CDYL2: variants seen among roughly 807,000 people sequenced by gnomAD.
The protein encoded by CDYL2 is chromodomain Y like 2, also known as chromodomain Y-like protein 2.
Under a neutral mutation model 49.4 loss-of-function variants are expected in CDYL2, and 23 were observed. The observed-to-expected ratio is 0.47, with a 90% confidence interval of 0.34 to 0.66. The LOEUF (loss-of-function observed/expected upper bound fraction) is 0.66, where lower values mean the gene tolerates loss of function less well. CDYL2 is among the 30% of genes least tolerant of loss of function. The pLI, the probability that CDYL2 is intolerant of heterozygous loss-of-function variation, is 0.01. For synonymous variants in CDYL2, 360 were observed against 268.8 expected (o/e 1.34, Z -3.32); for missense variants, 678 against 656.4 (o/e 1.03, Z -0.36).
chr16:80,632,375 G>A (rs1907603011), intron 3 of CDYL2, among the ~76,000 whole-genome samples: 3 of 152,168 alleles, frequency 2.0e-5, no homozygotes, highest in Admixed American at 2.0e-4. Context: ...AATCTACAGA[G>A]ACAGAAAGTA....
intron 1 of CDYL2, 61 bp downstream of exon 1, chr16:80,804,079 CCCGCCGCCCG>C (rs1348703525): frequency 1.0e-5 from 10 of 958,150 alleles, no homozygotes; most frequent in Non-Finnish European, 1.1e-5. Context: ...CGGCCCGGTC[CCCGCCGCCCG>C]CCGCCGCCGC....
At chr16:80,718,610 T>C (rs1263824625) in intron 1 of CDYL2, among the ~76,000 whole-genome samples, 1 of 152,162 alleles carries the variant, frequency 6.6e-6, no homozygotes, top group East Asian at 1.9e-4. Context: ...GGAGCTAGAA[T>C]TGGCCACTAT....
At chr16:80,649,199 T>C (rs1489683118) in intron 2 of CDYL2, among the ~76,000 whole-genome samples, 1 of 152,110 alleles carries the variant, frequency 6.6e-6, no homozygotes, top group Non-Finnish European at 1.5e-5. Context: ...GAAAGCAAAT[T>C]ATTCTTGTTT....
intron 1 of CDYL2, among the ~76,000 whole-genome samples, chr16:80,764,880 G>A (rs771274237): frequency 1.5e-4 from 23 of 151,490 alleles, no homozygotes; most frequent in Non-Finnish European, 2.4e-4. Context: ...CTAACAGGGC[G>A]AAACCCCGTC....
intron 1 of CDYL2, among the ~76,000 whole-genome samples, chr16:80,719,732 A>T (rs1483790363): frequency 6.6e-6 from 1 of 152,200 alleles, no homozygotes; most frequent in Non-Finnish European, 1.5e-5. Flanking sequence ...GGCAGGAAAC[A>T]AGGAGGCTGT....
chr16:80,694,176 C>T (rs1430989878), intron 1 of CDYL2, among the ~76,000 whole-genome samples: 1 of 152,170 alleles, frequency 6.6e-6, no homozygotes, highest in Non-Finnish European at 1.5e-5. Flanking sequence ...CAACCCAAAT[C>T]CCTTGCATGC....
intron 1 of CDYL2, among the ~76,000 whole-genome samples, chr16:80,758,120 G>T (rs1425784606): frequency 1.3e-5 from 2 of 152,100 alleles, no homozygotes; most frequent in South Asian, 2.1e-4. Context: ...ATAGATCAAT[G>T]ATCTTAATTG....
intron 2 of CDYL2, among the ~76,000 whole-genome samples, chr16:80,669,621 G>A (rs968971293): frequency 6.6e-6 from 1 of 152,158 alleles, no homozygotes; most frequent in Non-Finnish European, 1.5e-5. Flanking sequence ...CTAGGACATC[G>A]AGAGAGGCCA....
At chr16:80,758,365 A>G (rs1906386839) in intron 1 of CDYL2, among the ~76,000 whole-genome samples, 1 of 152,198 alleles carries the variant, frequency 6.6e-6, no homozygotes, top group African/African-American at 2.4e-5. Context: ...AAACAAAAGT[A>G]TAAAAAACCT....
intron 1 of CDYL2, among the ~76,000 whole-genome samples, chr16:80,714,094 A>G (rs1904713307): frequency 6.6e-6 from 1 of 152,120 alleles, no homozygotes; most frequent in African/African-American, 2.4e-5. Flanking sequence ...TTTTAACACT[A>G]CTAATTTATA....
intron 1 of CDYL2, among the ~76,000 whole-genome samples, chr16:80,687,482 CTGGATAGA>C (rs927933520): frequency 6.4e-4 from 96 of 150,858 alleles, no homozygotes; most frequent in African/African-American, 2.2e-3. Context: ...GAATAGATGG[CTGGATAGA>C]TGGATAGATG....
chr16:80,751,801 C>G (rs760779100), intron 1 of CDYL2, among the ~76,000 whole-genome samples: 2 of 152,166 alleles, frequency 1.3e-5, no homozygotes, highest in Non-Finnish European at 1.5e-5. Flanking sequence ...GAGGGATAAT[C>G]AGAGATAGCT....
At chr16:80,661,254 C>T (rs1909031726) in intron 2 of CDYL2, among the ~76,000 whole-genome samples, 1 of 152,128 alleles carries the variant, frequency 6.6e-6, no homozygotes, top group African/African-American at 2.4e-5. Flanking sequence ...ATTCTGGTTC[C>T]TCACTTAACA....
intron 1 of CDYL2, among the ~76,000 whole-genome samples, chr16:80,770,484 A>T (rs1340890090): frequency 6.6e-6 from 1 of 152,202 alleles, no homozygotes; most frequent in Non-Finnish European, 1.5e-5. Flanking sequence ...CAAAAGAAAA[A>T]AATACATTTT....
At chr16:80,677,671 G>A (rs536564403) in intron 2 of CDYL2, among the ~76,000 whole-genome samples, 11 of 152,054 alleles carry the variant, frequency 7.2e-5, no homozygotes, top group Admixed American at 2.6e-4. Flanking sequence ...CTCAGGAGGC[G>A]GAGCTTGCAG....
chr16:80,723,574 C>A (rs1257264912), intron 1 of CDYL2, among the ~76,000 whole-genome samples: 1 of 152,210 alleles, frequency 6.6e-6, no homozygotes, highest in Non-Finnish European at 1.5e-5. Context: ...CAATGAGATA[C>A]TGATTCCACA....
chr16:80,633,096 C>T lies in CDYL2; in HGVS notation c.757G>A (p.Val253Ile), dbSNP rs62049900. The part of the protein sequence containing the change: ...NESNCRFRDI[V>I]VRKEEGFTHI... Reference sequence around the variant, plus strand: ...GTGAACCCTTCTTCCTTCCGCACAACGATGTCTCGAAACCGACAGTTGCTT... The same window carrying T: ...GTGAACCCTTCTTCCTTCCGCACAATGATGTCTCGAAACCGACAGTTGCTT... Residue 253 changes from valine (V) to isoleucine (I), a missense_variant, in exon 3 of 7, where the codon GTT becomes ATT. Transcript: ENST00000570137. 15 of 1,614,054 alleles carry T rather than the reference C, an allele frequency of 9.3e-6. No homozygotes were observed. The highest frequency in any genetic ancestry group is 2.2e-5 in the South Asian group (2 of 91,074).
intron 2 of CDYL2, 71 bp from the exon 3 acceptor site, chr16:80,633,307 C>T (rs958795372): frequency 3.0e-5 from 44 of 1,480,614 alleles, no homozygotes; most frequent in Admixed American, 9.0e-5. Context: ...GATCAGAGGA[C>T]GTTGGGATTT....
Position 80,804,140 on chromosome 16 carries a change from G to C in CDYL2, c.24+10C>G. 2.5e-6 allele frequency: 3 copies of C among 1,198,052 alleles called. No homozygotes were observed. Among genetic ancestry groups the C allele is most frequent in the South Asian group, 1.8e-5 (1 of 56,390 alleles). 74.2% of individuals were successfully genotyped at this position (1,198,052 alleles called of 1,614,324 possible). A position where few individuals can be genotyped will look rare whatever the true frequency, so the allele number is the denominator to read the frequency against. On this transcript the variant is annotated intron_variant, in intron 1 of 6. Coordinates refer to ENST00000570137, the MANE Select transcript of CDYL2 (RefSeq NM_152342.4). ...GACTGGGGCCGGCCCGCGCCCCCGC[G>C]TCCCCGTACCTCGTAAAGGTCCCCA...
Sources: gnomAD v4.1 joint callset for allele counts (sites outside exome capture counted in the v4.1 genomes callset) on GRCh38, gnomAD v4.1.1 for gene constraint, MANE v1.5 for transcripts, NCBI Gene and HGNC (gene_info 2026-07-23, HGNC 2026-07-21) for gene names.